The following TMLHE variants were observed in gnomAD, a reference collection of about 807,000 sequenced individuals.
TMLHE encodes the protein trimethyllysine dioxygenase, mitochondrial.
TMLHE carries 18 observed loss-of-function variants against 25.7 expected under a neutral mutation model. The observed-to-expected ratio is 0.70, with a 90% CI of 0.48 to 1.04. The LOEUF is 1.04. TMLHE is among the 50% of genes least tolerant of loss of function. TMLHE has a pLI of 0.00. For missense variants in TMLHE, 236 were observed against 259.0 expected, an observed-to-expected ratio of 0.91 and a Z score of 0.61; for synonymous variants, 105 against 97.0, an observed-to-expected ratio of 1.08 and a Z score of -0.49.
At chrX:155,554,299 A>G (rs1412536776) in intron 1 of TMLHE, among the ~76,000 whole-genome samples, 1 of 111,041 alleles carries the variant, frequency 9.0e-6, no homozygotes, top group African/African-American at 3.3e-5. Context: ...CTGCCTGAAG[A>G]TCCTTAATAT....
chrX:155,506,791 G>A, intron 6 of TMLHE, 107 bp downstream of exon 6: 3 of 643,673 alleles, frequency 4.7e-6, no homozygotes, highest in Non-Finnish European at 7.5e-6. Context: ...CTATAGAATA[G>A]CAAGATTAAA....
chrX:155,554,059 T>C (rs2124433735), intron 1 of TMLHE, among the ~76,000 whole-genome samples: 1 of 109,407 alleles, frequency 9.1e-6, no homozygotes, highest in African/African-American at 3.4e-5. Flanking sequence ...CAGGCTGGAG[T>C]GCAGTGGCAT....
At chrX:155,532,395 T>C (rs1458870451) in intron 2 of TMLHE, among the ~76,000 whole-genome samples, 1 of 112,012 alleles carries the variant, frequency 8.9e-6, no homozygotes, top group Non-Finnish European at 1.9e-5. Flanking sequence ...CAGAATGGAC[T>C]ATTGGGGCAT....
intron 1 of TMLHE, among the ~76,000 whole-genome samples, chrX:155,581,132 G>T (rs2067625085): frequency 9.0e-6 from 1 of 111,472 alleles, no homozygotes; most frequent in African/African-American, 3.3e-5. Context: ...AGCCCTTCAT[G>T]CTAAAAACTC....
At chrX:155,557,561 C>CT (rs2067466244) in intron 1 of TMLHE, among the ~76,000 whole-genome samples, 1 of 111,930 alleles carries the variant, frequency 8.9e-6, no homozygotes, top group South Asian at 3.7e-4. Context: ...ATTCTCTCTC[C>CT]TTTTTTTCTA....
intron 2 of TMLHE, among the ~76,000 whole-genome samples, chrX:155,534,059 C>A (rs1434865941): frequency 8.9e-6 from 1 of 111,765 alleles, no homozygotes; most frequent in Non-Finnish European, 1.9e-5. Flanking sequence ...TCCTAGTCAG[C>A]CATCTCAACA....
At chrX:155,548,297 A>G (rs1557339190) in intron 1 of TMLHE, among the ~76,000 whole-genome samples, 1 of 112,103 alleles carries the variant, frequency 8.9e-6, no homozygotes, top group South Asian at 3.7e-4. Context: ...CAACCAACAA[A>G]GTGAAGGGAC....
chrX:155,593,948 TCAAGAGAC>T (rs1232789442), intron 1 of TMLHE, among the ~76,000 whole-genome samples: 2 of 110,213 alleles, frequency 1.8e-5, no homozygotes, highest in Admixed American at 1.9e-4. Flanking sequence ...TGGAACACCA[TCAAGAGAC>T]TTAACATTTG....
At chrX:155,506,355 A>G (rs980710218) in intron 6 of TMLHE, among the ~76,000 whole-genome samples, 7 of 111,615 alleles carry the variant, frequency 6.3e-5, no homozygotes, top group African/African-American at 1.9e-4. Flanking sequence ...AGAGGGAAAA[A>G]TTAAATATGA....
intron 5 of TMLHE, among the ~76,000 whole-genome samples, chrX:155,509,570 T>G (rs1557333129): frequency 8.9e-6 from 1 of 111,851 alleles, no homozygotes; most frequent in East Asian, 2.8e-4. Flanking sequence ...GTACAGCTGC[T>G]TCTTATCTCA....
At chrX:155,599,523 T>C (rs909400284) in intron 1 of TMLHE, among the ~76,000 whole-genome samples, 1 of 112,061 alleles carries the variant, frequency 8.9e-6, no homozygotes, top group East Asian at 2.8e-4. Flanking sequence ...ATACACTCAC[T>C]TCAACATGTT....
At chrX:155,588,351 C>T (rs1489417793) in intron 1 of TMLHE, among the ~76,000 whole-genome samples, 2 of 111,646 alleles carry the variant, frequency 1.8e-5, no homozygotes, top group Non-Finnish European at 1.9e-5. Context: ...AAAATTAAGT[C>T]AAGAAGGATT....
intron 5 of TMLHE, among the ~76,000 whole-genome samples, chrX:155,509,294 G>A (rs1557333093): frequency 9.0e-6 from 1 of 111,076 alleles, no homozygotes; most frequent in Non-Finnish European, 1.9e-5. Context: ...TATATTACTA[G>A]TCCCATTTTA....
At chrX:155,587,378 G>T (rs782540751) in intron 1 of TMLHE, among the ~76,000 whole-genome samples, 4 of 111,120 alleles carry the variant, frequency 3.6e-5, no homozygotes, top group Admixed American at 9.6e-5. Context: ...AAACATAAAG[G>T]TCATATATAA....
intron 1 of TMLHE, among the ~76,000 whole-genome samples, chrX:155,547,207 C>G (rs782391938): frequency 5.3e-5 from 5 of 94,476 alleles, no homozygotes; most frequent in East Asian, 3.5e-4. Context: ...TGCAGTGGCG[C>G]TATCTCGGCT....
At chrX:155,548,494 G>T (rs1013565367) in intron 1 of TMLHE, among the ~76,000 whole-genome samples, 1 of 108,711 alleles carries the variant, frequency 9.2e-6, no homozygotes, top group Non-Finnish European at 1.9e-5. Context: ...CCAGCACTTT[G>T]GGAGGTCAAG....
chrX:155,551,140 C>T lies in TMLHE; in HGVS notation c.-1-5863G>A, dbSNP rs782269683. Among the ~76,000 whole-genome samples, 152 of 110,475 alleles carry T rather than the reference C, an allele frequency of 1.4e-3. 6 individuals are homozygous for T. The highest frequency in any genetic ancestry group is 4.9e-3 in the African/African-American group (148 of 29,951). ...AATATTGTCTCATTCTGGACTGTTCCAACATGCACTATATCAGCTTGTCTA... is the reference window on the plus strand; with the variant it reads ...AATATTGTCTCATTCTGGACTGTTCTAACATGCACTATATCAGCTTGTCTA... On this transcript the variant is annotated intron_variant, in intron 1 of 7. Coordinates refer to ENST00000334398, the MANE Select transcript of TMLHE (RefSeq NM_018196.4).
chrX:155,528,980 G>A (rs1557336809), intron 2 of TMLHE, among the ~76,000 whole-genome samples: 1 of 111,990 alleles, frequency 8.9e-6, no homozygotes. Context: ...TGGGGAAGTG[G>A]AAGAATCGCT....
At chrX:155,601,631 G>A (rs781798095) in intron 1 of TMLHE, among the ~76,000 whole-genome samples, 28 of 111,382 alleles carry the variant, frequency 2.5e-4, no homozygotes, top group Non-Finnish European at 4.2e-4. Context: ...AAGGAGAAAC[G>A]GAGGAACAAA....
Sources: allele counts gnomAD v4.1 joint callset (sites outside exome capture counted in the v4.1 genomes callset), GRCh38; gene constraint gnomAD v4.1.1; transcripts MANE v1.5; gene names NCBI Gene and HGNC (gene_info 2026-07-23, HGNC 2026-07-21).